PALM2AKAP2: variants seen among roughly 807,000 people sequenced by gnomAD.
PALM2AKAP2 encodes the protein PALM2-AKAP2 fusion protein.
Under a neutral mutation model 71.5 loss-of-function variants are expected in PALM2AKAP2, and 37 were observed. The observed-to-expected ratio is 0.52, with a 90% CI of 0.40 to 0.68. The LOEUF is 0.68. Ranked by LOEUF, PALM2AKAP2 falls within the 30% of genes least tolerant of loss-of-function variation. PALM2AKAP2 has a pLI of 0.00. For synonymous variants in PALM2AKAP2, 468 were observed against 478.8 expected (o/e 0.98, Z 0.29); for missense variants, 1,224 against 1,191.8 (o/e 1.03, Z -0.40).
At chr9:109,678,301 C>T (rs547196323) in intron 1 of PALM2AKAP2, among the ~76,000 whole-genome samples, 2 of 152,200 alleles carry the variant, frequency 1.3e-5, no homozygotes, top group East Asian at 3.8e-4. Context: ...GTAATAGGTA[C>T]TAAATACTTA....
At position 110,102,908 on chromosome 9, in the gene PALM2AKAP2, A is replaced by G. The variant is rs1233703573; in HGVS notation, c.157-33219A>G. 5.9e-5 allele frequency among the ~76,000 whole-genome samples: 9 copies of G among 152,286 alleles called. No individual in the cohort carries two copies. The East Asian group carries it at 1.7e-3, about 29-fold the overall frequency. On this transcript the variant is annotated intron_variant, in intron 1 of 3. Transcript: ENST00000374525. The stretch of plus-strand genomic sequence containing the variant: ...CATCCCAGCCTCTTTCTGCCTCTGC[A>G]GGACAGTTTTGTGTGTGCTCTGCAT...
chr9:109,894,867 C>T (rs985255035), intron 3 of PALM2AKAP2, among the ~76,000 whole-genome samples: 7 of 152,182 alleles, frequency 4.6e-5, no homozygotes, highest in African/African-American at 1.4e-4. Flanking sequence ...CCTCCCATCT[C>T]GGCTTCCCAG....
intron 1 of PALM2AKAP2, among the ~76,000 whole-genome samples, chr9:109,840,502 C>A (rs2047572180): frequency 6.6e-6 from 1 of 152,084 alleles, no homozygotes. Flanking sequence ...GCAACAGAAG[C>A]CAAAATTGAC....
At chr9:110,006,332 T>TTCTTTCTTTCTTTCTTTCTC (rs1832782969) in intron 6 of PALM2AKAP2, among the ~76,000 whole-genome samples, 1 of 125,196 alleles carries the variant, frequency 8.0e-6, no homozygotes, top group Non-Finnish European at 1.7e-5. Flanking sequence ...TTCTCTTTCT[T>TTCTTTCTTTCTTTCTTTCTC]TCTTTCTTTC....
chr9:110,034,736 C>A (rs546654469), intron 7 of PALM2AKAP2, among the ~76,000 whole-genome samples: 44 of 150,864 alleles, frequency 2.9e-4, no homozygotes, highest in African/African-American at 1.0e-3. Context: ...TCCTGAATAG[C>A]TGGGATTACA....
intron 1 of PALM2AKAP2, among the ~76,000 whole-genome samples, chr9:109,743,665 A>G (rs1828753330): frequency 6.6e-6 from 1 of 152,378 alleles, no homozygotes; most frequent in Middle Eastern, 3.4e-3. Flanking sequence ...AAAAATTTTC[A>G]AAATATCTTT....
chr9:109,760,375 T>G, intron 1 of PALM2AKAP2: 1 of 152,248 alleles, frequency 6.6e-6, no homozygotes, highest in African/African-American at 2.4e-5. Flanking sequence ...ATTATAATAT[T>G]CTTTATTGTT....
At chr9:109,966,596 A>G (rs1381677650) in intron 6 of PALM2AKAP2, among the ~76,000 whole-genome samples, 2 of 152,256 alleles carry the variant, frequency 1.3e-5, no homozygotes, top group Non-Finnish European at 2.9e-5. Flanking sequence ...AGATCTTACA[A>G]TAGTATTCAG....
chr9:109,654,690 A>AGAG (rs1827271675), intron 1 of PALM2AKAP2, among the ~76,000 whole-genome samples: 1 of 151,928 alleles, frequency 6.6e-6, no homozygotes. Flanking sequence ...CAGTGCAAGT[A>AGAG]GAGGAGGAGT....
chr9:109,676,164 A>G (rs1827645738), intron 1 of PALM2AKAP2, among the ~76,000 whole-genome samples: 1 of 152,212 alleles, frequency 6.6e-6, no homozygotes, highest in Admixed American at 6.5e-5. Context: ...AAAGAGGTAG[A>G]GCAAGAGTTC....
intron 1 of PALM2AKAP2, among the ~76,000 whole-genome samples, chr9:109,734,438 A>T (rs981036710): frequency 1.3e-5 from 2 of 152,224 alleles, no homozygotes; most frequent in African/African-American, 2.4e-5. Context: ...TTACAATTAA[A>T]TAATATTAAA....
At chr9:109,850,767 A>T (rs1296196635) in intron 1 of PALM2AKAP2, among the ~76,000 whole-genome samples, 1 of 152,240 alleles carries the variant, frequency 6.6e-6, no homozygotes, top group Non-Finnish European at 1.5e-5. Flanking sequence ...CAAATAGTTT[A>T]TTTCAGACTG....
At chr9:109,707,985 C>T (rs1828168690) in intron 1 of PALM2AKAP2, among the ~76,000 whole-genome samples, 1 of 152,060 alleles carries the variant, frequency 6.6e-6, no homozygotes, top group African/African-American at 2.4e-5. Flanking sequence ...CCCATAAGAT[C>T]TTCATGGCCC....
chr9:109,713,584 C>A (rs769865515), intron 1 of PALM2AKAP2, among the ~76,000 whole-genome samples: 9 of 152,104 alleles, frequency 5.9e-5, no homozygotes, highest in Non-Finnish European at 1.0e-4. Flanking sequence ...GTTATTATTA[C>A]CTTGTTGAAA....
intron 5 of PALM2AKAP2, among the ~76,000 whole-genome samples, chr9:109,931,239 T>C (rs935838519): frequency 1.3e-5 from 2 of 152,224 alleles, no homozygotes; most frequent in Non-Finnish European, 2.9e-5. Flanking sequence ...TGTCGAGGTA[T>C]TTGCCCAAGC....
At chr9:109,784,789 G>A (rs1051516428) in intron 1 of PALM2AKAP2, among the ~76,000 whole-genome samples, 9 of 152,260 alleles carry the variant, frequency 5.9e-5, no homozygotes, top group Non-Finnish European at 1.3e-4. Flanking sequence ...TGGCGGCAGC[G>A]TCTCGCACTT....
At chr9:109,853,555 T>G (rs1012393076) in intron 1 of PALM2AKAP2, among the ~76,000 whole-genome samples, 1 of 152,236 alleles carries the variant, frequency 6.6e-6, no homozygotes, top group Non-Finnish European at 1.5e-5. Context: ...GGTTTAATAC[T>G]TAAGTCTCTC....
intron 1 of PALM2AKAP2, among the ~76,000 whole-genome samples, chr9:109,823,070 A>G (rs897315198): frequency 1.4e-4 from 21 of 152,204 alleles, no homozygotes; most frequent in Admixed American, 5.2e-4. Context: ...GCCCAGCCAC[A>G]TCAGAGAGAC....
chr9:110,008,153 G>T (rs577443264), intron 6 of PALM2AKAP2, among the ~76,000 whole-genome samples: 56 of 152,338 alleles, frequency 3.7e-4, no homozygotes, highest in African/African-American at 1.3e-3. Flanking sequence ...TCTGGTTTCT[G>T]TGACTACCCT....
Sources: gnomAD v4.1 joint callset for allele counts (sites outside exome capture counted in the v4.1 genomes callset) on GRCh38, gnomAD v4.1.1 for gene constraint, MANE v1.5 for transcripts, NCBI Gene and HGNC (gene_info 2026-07-23, HGNC 2026-07-21) for gene names.